The following PPP1R12B variants were observed in gnomAD, a reference collection of about 807,000 sequenced individuals.
PPP1R12B encodes the protein myosin phosphatase target subunit 2.
In PPP1R12B, 76 loss-of-function variants were observed where a neutral mutation model predicts 126.1. That is an observed-to-expected ratio of 0.60 (90% CI 0.50 to 0.73). The LOEUF is 0.73. PPP1R12B is among the 30% of genes least tolerant of loss of function. The pLI is 0.00. For synonymous variants in PPP1R12B, 356 were observed against 434.7 expected (o/e 0.82, Z 2.25); for missense variants, 1,052 against 1,205.1 (o/e 0.87, Z 1.88).
At chr1:202,353,442 G>A (rs145165177) in intron 1 of PPP1R12B, among the ~76,000 whole-genome samples, 8 of 151,158 alleles carry the variant, frequency 5.3e-5, no homozygotes, top group African/African-American at 1.9e-4. Context: ...TCTTCAAATT[G>A]CTTAATATGT....
intron 18 of PPP1R12B, among the ~76,000 whole-genome samples, chr1:202,552,254 A>C (rs1324465555): frequency 6.6e-6 from 1 of 152,318 alleles, no homozygotes; most frequent in Admixed American, 6.5e-5. Flanking sequence ...CAGATTATGC[A>C]GGATCCCCAG....
chr1:202,498,867 T>G (rs1679875168), intron 18 of PPP1R12B, among the ~76,000 whole-genome samples: 1 of 152,218 alleles, frequency 6.6e-6, no homozygotes, highest in South Asian at 2.1e-4. Flanking sequence ...CTTTCCTTTC[T>G]TGGTTTTTAG....
At chr1:202,398,972 C>G (rs943474099) in intron 1 of PPP1R12B, among the ~76,000 whole-genome samples, 1 of 152,092 alleles carries the variant, frequency 6.6e-6, no homozygotes, top group African/African-American at 2.4e-5. Context: ...TTTCCCCTCA[C>G]TACTAAACAT....
chr1:202,500,282 G>T (rs576405033), intron 18 of PPP1R12B, among the ~76,000 whole-genome samples: 17 of 151,380 alleles, frequency 1.1e-4, no homozygotes, highest in Non-Finnish European at 1.3e-4. Flanking sequence ...AGAGATATCT[G>T]CACCCCTATG....
At chr1:202,430,944 G>A in intron 7 of PPP1R12B, 134 bp downstream of exon 7, 2 of 1,328,204 alleles carry the variant, frequency 1.5e-6, no homozygotes, top group Non-Finnish European at 2.0e-6. Flanking sequence ...TGGGAAACTT[G>A]TGGGAAACTT....
intron 8 of PPP1R12B, 152 bp from the exon 9 acceptor site, chr1:202,434,504 T>A: frequency 9.9e-7 from 1 of 1,011,928 alleles, no homozygotes; most frequent in Non-Finnish European, 1.3e-6. Flanking sequence ...GTTGCAAGAG[T>A]TTACAAGTTG....
At chr1:202,407,011 T>C (rs959115531) in intron 1 of PPP1R12B, among the ~76,000 whole-genome samples, 7 of 152,220 alleles carry the variant, frequency 4.6e-5, no homozygotes, top group Non-Finnish European at 7.3e-5. Flanking sequence ...CAACTTCTGT[T>C]TGAAGATGAC....
Position 202,488,552 on chromosome 1 carries a change from C to T in PPP1R12B, c.1870C>T (p.Arg624Trp), listed in dbSNP as rs137969929. The T allele has an allele frequency of 1.1e-5, 18 of 1,611,194 alleles. No individual in the cohort carries two copies. Among genetic ancestry groups the T allele is most frequent in the Non-Finnish European group, 1.4e-5 (17 of 1,178,354 alleles). ...EKRRSYLTPV[R>W]DEEAESLRKA... ...CTGCAGGTCCTATCTGACTCCTGTA[C>T]GGGATGAGGAAGCAGAGTCTTTACG... The change falls in exon 14 of 24, where the codon CGG becomes TGG. Residue 624 changes from arginine to tryptophan, a missense_variant. Coordinates refer to ENST00000608999, the MANE Select transcript of PPP1R12B (RefSeq NM_002481.4).
intron 1 of PPP1R12B, among the ~76,000 whole-genome samples, chr1:202,366,566 A>G (rs192056310): frequency 6.6e-6 from 1 of 151,980 alleles, no homozygotes; most frequent in Non-Finnish European, 1.5e-5. Context: ...TTAATACAGT[A>G]ATGATAACAA....
rs1678670159 is a variant in PPP1R12B at position 202,490,161 on chromosome 1, G to A, written c.1941+1538G>A. The stretch of plus-strand genomic sequence containing the variant: ...GAAAGATGAGCCCATGAAACAGAAC[G>A]AAAAGAAGCAGCAGGAGCGGTGAAA... On this transcript the variant is annotated intron_variant, in intron 14 of 23. Coordinates refer to ENST00000608999, the MANE Select transcript of PPP1R12B (RefSeq NM_002481.4). 3.9e-5 allele frequency among the ~76,000 whole-genome samples: 6 copies of A among 152,178 alleles called. No individual in the cohort carries two copies. In the South Asian group the frequency reaches 1.0e-3, roughly 26 times the overall value.
chr1:202,544,016 T>C (rs1304851748), intron 18 of PPP1R12B, among the ~76,000 whole-genome samples: 1 of 152,238 alleles, frequency 6.6e-6, no homozygotes, highest in Non-Finnish European at 1.5e-5. Flanking sequence ...CATCTCTGAT[T>C]TGTTACTCAG....
intron 1 of PPP1R12B, among the ~76,000 whole-genome samples, chr1:202,354,833 T>TTTG (rs1553261182): frequency 4.8e-5 from 7 of 145,760 alleles, no homozygotes; most frequent in Non-Finnish European, 9.1e-5. Flanking sequence ...TTTGTTGTTG[T>TTTG]TTTTTTTTTT....
At chr1:202,511,891 C>T (rs1208588500) in intron 18 of PPP1R12B, among the ~76,000 whole-genome samples, 1 of 151,642 alleles carries the variant, frequency 6.6e-6, no homozygotes, top group East Asian at 1.9e-4. Flanking sequence ...ATTCTCCTGC[C>T]TCTGCCTCCT....
intron 1 of PPP1R12B, among the ~76,000 whole-genome samples, chr1:202,352,892 A>AAAACAG (rs1553260473): frequency 1.3e-5 from 2 of 150,848 alleles, no homozygotes; most frequent in Non-Finnish European, 2.9e-5. Context: ...CGTTTCAAAA[A>AAAACAG]AAAAAGAAAA....
intron 3 of PPP1R12B, among the ~76,000 whole-genome samples, chr1:202,423,170 T>C (rs970959202): frequency 3.9e-5 from 6 of 152,208 alleles, no homozygotes; most frequent in Non-Finnish European, 8.8e-5. Flanking sequence ...TGAGAATTAG[T>C]ATGATAATTT....
At chr1:202,380,188 G>A (rs762371911) in intron 1 of PPP1R12B, among the ~76,000 whole-genome samples, 1 of 151,892 alleles carries the variant, frequency 6.6e-6, no homozygotes, top group Non-Finnish European at 1.5e-5. Context: ...TCACTTCAAG[G>A]CTTGGCTCAG....
At chr1:202,400,820 T>C (rs757035662) in intron 1 of PPP1R12B, among the ~76,000 whole-genome samples, 20 of 152,304 alleles carry the variant, frequency 1.3e-4, no homozygotes, top group Non-Finnish European at 2.2e-4. Flanking sequence ...AAGTAACTTA[T>C]ACAAGGTCTT....
Position 202,567,625 on chromosome 1 carries a change from C to G in PPP1R12B, c.2758-153C>G, listed in dbSNP as rs141488719. 2.4e-5 allele frequency: 17 copies of G among 716,996 alleles called. 1 individual carries two copies. Among genetic ancestry groups the G allele is most frequent in the African/African-American group, 2.1e-4 (12 of 55,926 alleles). 44.4% of individuals were successfully genotyped at this position (716,996 alleles called of 1,614,324 possible). On this transcript the variant is annotated intron_variant, in intron 21 of 23. Transcript: ENST00000608999. ...GATAATGTTAGGCTTAGAGATCTAT[C>G]AGAACCTGTTTGCTGGGGATCCCTG...
At chr1:202,380,901 C>T (rs1183850295) in intron 1 of PPP1R12B, among the ~76,000 whole-genome samples, 3 of 152,096 alleles carry the variant, frequency 2.0e-5, no homozygotes, top group Admixed American at 6.6e-5. Context: ...AGTGTTCATG[C>T]GGTTGTTAGG....
Sources: gnomAD v4.1 joint callset for allele counts (sites outside exome capture counted in the v4.1 genomes callset) on GRCh38, gnomAD v4.1.1 for gene constraint, MANE v1.5 for transcripts, NCBI Gene and HGNC (gene_info 2026-07-23, HGNC 2026-07-21) for gene names.